MMP26: variants seen among roughly 807,000 people sequenced by gnomAD.
The protein encoded by MMP26 is matrix metallopeptidase 26, also known as matrix metalloproteinase-26.
In MMP26, 33 loss-of-function variants were observed where a neutral mutation model predicts 31.0. The ratio of observed to expected loss-of-function variants is 1.06; its 90% CI spans 0.81 to 1.42. The LOEUF is 1.42. Among genes scored for constraint, MMP26 ranks in the 40% most tolerant of loss-of-function variants. The probability of loss-of-function intolerance (pLI) is 0.00; values close to 1 mark genes in which losing one functional copy is unlikely to be tolerated. For missense variants in MMP26, 347 were observed against 316.1 expected (o/e 1.10, Z -0.74); for synonymous variants, 122 against 114.9 (o/e 1.06, Z -0.40).
At chr11:4,709,143 C>T (rs1439678638) in intron 1 of MMP26, among the ~76,000 whole-genome samples, 1 of 151,936 alleles carries the variant, frequency 6.6e-6, no homozygotes, top group African/African-American at 2.4e-5. Context: ...GGGTTTTTGC[C>T]GCAGAAACTG....
chr11:4,891,381 C>A (rs1408258571), intron 2 of MMP26, among the ~76,000 whole-genome samples: 1 of 152,084 alleles, frequency 6.6e-6, no homozygotes, highest in African/African-American at 2.4e-5. Flanking sequence ...TTTCAACCAT[C>A]AGATTTTGTG....
rs530896396 is a variant in MMP26 at position 4,868,981 on chromosome 11, T to A, written c.-145+101640T>A. Among the ~76,000 whole-genome samples, 6 of 152,280 alleles carry A rather than the reference T, an allele frequency of 3.9e-5. No homozygotes were observed. In the South Asian group the frequency reaches 1.2e-3, roughly 32 times the overall value. ...AAGAAGTGGGGAAAGGATTCCCTAT[T>A]TAATAAATGGAGCTGGGAAAACTGG... On this transcript the variant is annotated intron_variant, in intron 2 of 7. Coordinates refer to ENST00000380390, the MANE Select transcript of MMP26 (RefSeq NM_021801.5).
chr11:4,715,076 A>T (rs1274652760), intron 1 of MMP26, among the ~76,000 whole-genome samples: 1 of 152,156 alleles, frequency 6.6e-6, no homozygotes, highest in Non-Finnish European at 1.5e-5. Context: ...TGAGGTCCTG[A>T]GATGTGTTCA....
At chr11:4,731,922 C>G (rs996583221) in intron 1 of MMP26, among the ~76,000 whole-genome samples, 35 of 152,164 alleles carry the variant, frequency 2.3e-4, no homozygotes, top group Admixed American at 2.1e-3. Flanking sequence ...AGACTATTAG[C>G]TCTTTATCTG....
chr11:4,961,866 G>A (rs1045132799), intron 2 of MMP26, among the ~76,000 whole-genome samples: 1 of 152,120 alleles, frequency 6.6e-6, no homozygotes, highest in African/African-American at 2.4e-5. Context: ...AATGAAGTGT[G>A]CAGTAATCAA....
chr11:4,779,269 A>G (rs547017360), intron 2 of MMP26, among the ~76,000 whole-genome samples: 50 of 152,182 alleles, frequency 3.3e-4, no homozygotes, highest in Middle Eastern at 3.4e-3. Flanking sequence ...CTAAGTTACC[A>G]TGAATATCAA....
chr11:4,986,957 C>CTCTCCCTCTCTCTCTCTCTCTT, intron 2 of MMP26, among the ~76,000 whole-genome samples: 1 of 141,046 alleles, frequency 7.1e-6, no homozygotes, highest in Non-Finnish European at 1.5e-5. Flanking sequence ...CTCTCTCTCT[C>CTCTCCCTCTCTCTCTCTCTCTT]TCCCTCTCTC....
chr11:4,798,902 A>G (rs1457346230), intron 2 of MMP26, among the ~76,000 whole-genome samples: 1 of 152,148 alleles, frequency 6.6e-6, no homozygotes, highest in Admixed American at 6.5e-5. Flanking sequence ...TTTGGAAAGT[A>G]CTCTAAAACG....
intron 1 of MMP26, among the ~76,000 whole-genome samples, chr11:4,747,123 T>C (rs964791115): frequency 6.6e-6 from 1 of 152,146 alleles, no homozygotes; most frequent in African/African-American, 2.4e-5. Context: ...AAGTAATCCT[T>C]AGATATAGCA....
At chr11:4,908,683 G>T in intron 2 of MMP26, 1 of 272,884 alleles carries the variant, frequency 3.7e-6, no homozygotes, top group South Asian at 4.4e-5. Flanking sequence ...TCAAGGAAAG[G>T]TAAAATAGCT....
intron 2 of MMP26, among the ~76,000 whole-genome samples, chr11:4,978,567 G>C (rs185822717): frequency 2.0e-5 from 3 of 152,060 alleles, no homozygotes; most frequent in African/African-American, 7.2e-5. Context: ...AAATGGAAGC[G>C]ATGTTTAGTA....
rs574844278 is a variant in MMP26 at position 4,723,960 on chromosome 11, G to T, written c.-217+18915G>T. ...CCTCCAGGTTAAGGGGACTCAGCAG[G>T]TTCTGGTTGACTGTGTCAGTGGTGA... On this transcript the variant is annotated intron_variant, in intron 1 of 7. Coordinates refer to ENST00000380390, the MANE Select transcript of MMP26 (RefSeq NM_021801.5). 6.8e-5 allele frequency: 52 copies of T among 769,480 alleles called. No homozygotes were observed. In the South Asian group the frequency reaches 7.2e-4, roughly 11 times the overall value. The allele number at this position is 769,480 out of a possible 1,614,324, so 47.7% of individuals were successfully genotyped here.
intron 2 of MMP26, among the ~76,000 whole-genome samples, chr11:4,824,951 T>C (rs937254678): frequency 1.3e-5 from 2 of 152,138 alleles, no homozygotes; most frequent in African/African-American, 4.8e-5. Context: ...TTCCGGTTAG[T>C]CCAATTAAGT....
intron 2 of MMP26, among the ~76,000 whole-genome samples, chr11:4,810,537 C>T (rs4910528): frequency 0.13 from 19,636 of 152,144 alleles, 1,367 homozygotes; most frequent in Middle Eastern, 0.18. Context: ...ACATACCTGG[C>T]AGTGTGAGTT....
chr11:4,727,181 T>C (rs1848112017), intron 1 of MMP26, among the ~76,000 whole-genome samples: 1 of 151,932 alleles, frequency 6.6e-6, no homozygotes, highest in Non-Finnish European at 1.5e-5. Flanking sequence ...AAAAAACAAA[T>C]AAGAAAATAA....
chr11:4,907,909 T>G, intron 2 of MMP26: 1 of 1,614,094 alleles, frequency 6.2e-7, no homozygotes, highest in East Asian at 2.2e-5. Flanking sequence ...CATACTGTCT[T>G]CATCAGGATA....
Position 4,848,482 on chromosome 11 carries a change from T to C in MMP26, c.-145+81141T>C, listed in dbSNP as rs773348022. ...TGGGCAGCACAGGTTTGACCAGCCTTCCAGCGATCCTCTCTGGACTCCACA... is the reference window on the plus strand; with the variant it reads ...TGGGCAGCACAGGTTTGACCAGCCTCCCAGCGATCCTCTCTGGACTCCACA... On this transcript the variant is annotated intron_variant, in intron 2 of 7. Transcript: ENST00000380390. 2.5e-6 allele frequency: 4 copies of C among 1,613,610 alleles called. No individual in the cohort carries two copies. In the South Asian group the frequency reaches 4.4e-5, roughly 18 times the overall value.
intron 2 of MMP26, chr11:4,943,550 C>T: frequency 4.4e-6 from 2 of 451,224 alleles, no homozygotes; most frequent in South Asian, 3.1e-5. Context: ...AAGGGCTATC[C>T]TGTACATTAA....
intron 2 of MMP26, chr11:4,881,862 A>G (rs1850467787): frequency 1.3e-6 from 2 of 1,549,718 alleles, no homozygotes; most frequent in Non-Finnish European, 1.8e-6. Context: ...AATCTTAATT[A>G]TTTTTCTTTC....
Sources: gnomAD v4.1 joint callset for allele counts (sites outside exome capture counted in the v4.1 genomes callset) on GRCh38, gnomAD v4.1.1 for gene constraint, MANE v1.5 for transcripts, NCBI Gene and HGNC (gene_info 2026-07-23, HGNC 2026-07-21) for gene names.